Variants in PAK5 observed in about 807,000 individuals in gnomAD.
PAK5 encodes the protein p21 (RAC1) activated kinase 5.
Under a neutral mutation model 65.9 loss-of-function variants are expected in PAK5, and 16 were observed. That is an observed-to-expected ratio of 0.24 (90% CI 0.16 to 0.37). The LOEUF is 0.37. Ranked by LOEUF, PAK5 falls within the 10% of genes least tolerant of loss-of-function variation. The pLI, the probability that PAK5 is intolerant of heterozygous loss-of-function variation, is 1.00. For missense variants in PAK5, 785 were observed against 903.9 expected, an observed-to-expected ratio of 0.87 and a Z score of 1.69; for synonymous variants, 371 against 354.9, an observed-to-expected ratio of 1.05 and a Z score of -0.51.
At chr20:9,649,739 G>A (rs376800401) in intron 2 of PAK5, among the ~76,000 whole-genome samples, 3 of 152,100 alleles carry the variant, frequency 2.0e-5, no homozygotes, top group East Asian at 1.9e-4. Context: ...GGGTGATGGC[G>A]CAGCACCTCA....
intron 1 of PAK5, among the ~76,000 whole-genome samples, chr20:9,745,649 CT>C (rs1442471552): frequency 6.6e-6 from 1 of 151,998 alleles, no homozygotes; most frequent in Non-Finnish European, 1.5e-5. Flanking sequence ...ACATGAATGC[CT>C]TGGTGAAAGG....
intron 2 of PAK5, among the ~76,000 whole-genome samples, chr20:9,710,149 C>T (rs2048060667): frequency 6.6e-6 from 1 of 152,080 alleles, no homozygotes; most frequent in Non-Finnish European, 1.5e-5. Flanking sequence ...TCTAGAAGGA[C>T]ACCCTTCCCA....
At chr20:9,541,249 G>A (rs1313670279) in intron 9 of PAK5, among the ~76,000 whole-genome samples, 3 of 152,190 alleles carry the variant, frequency 2.0e-5, no homozygotes, top group Non-Finnish European at 4.4e-5. Context: ...AAGATAGGAA[G>A]AGAGGTGTGT....
intron 3 of PAK5, among the ~76,000 whole-genome samples, chr20:9,586,928 C>T (rs920685200): frequency 2.0e-5 from 3 of 152,078 alleles, no homozygotes; most frequent in African/African-American, 7.2e-5. Context: ...GTATCTTAGG[C>T]TTATAGCACT....
intron 4 of PAK5, among the ~76,000 whole-genome samples, chr20:9,571,812 T>C (rs144630625): frequency 7.4e-6 from 1 of 135,380 alleles, no homozygotes; most frequent in East Asian, 2.3e-4. Context: ...GGGATTCAAA[T>C]CCAGACAGAG....
chr20:9,619,454 A>C (rs2123178864), intron 3 of PAK5, among the ~76,000 whole-genome samples: 1 of 151,846 alleles, frequency 6.6e-6, no homozygotes, highest in Middle Eastern at 3.4e-3. Context: ...ACTGCCCAAT[A>C]CTCTCATTTC....
At chr20:9,564,108 C>T (rs1405088666) in intron 5 of PAK5, among the ~76,000 whole-genome samples, 1 of 152,160 alleles carries the variant, frequency 6.6e-6, no homozygotes, top group Non-Finnish European at 1.5e-5. Flanking sequence ...AACACTGATA[C>T]CCTGACTTGA....
At position 9,565,965 on chromosome 20, in the gene PAK5, G is replaced by A. The variant is rs2122992699; in HGVS notation, c.1410C>T (p.His470=). 1 of 1,613,796 alleles carries A rather than the reference G, an allele frequency of 6.2e-7. No homozygotes were observed. Among genetic ancestry groups the A allele is most frequent in the African/African-American group, 1.3e-5 (1 of 74,936 alleles). The change falls in exon 5 of 10, where the codon CAC becomes CAT. Residue 470 remains histidine, a synonymous_variant. Coordinates refer to ENST00000353224, the MANE Select transcript of PAK5 (RefSeq NM_177990.4). ...TGIVCIATEK[H]TGKQVAVKKM... The stretch of plus-strand genomic sequence containing the variant: ...TCTTCACTGCAACTTGTTTCCCTGT[G>A]TGTTTCTCGGTGGCGATGCATACGA...
At chr20:9,796,045 T>G (rs1207979115) in intron 1 of PAK5, among the ~76,000 whole-genome samples, 1 of 152,072 alleles carries the variant, frequency 6.6e-6, no homozygotes, top group African/African-American at 2.4e-5. Flanking sequence ...TTTACACTGT[T>G]AACAGGAATG....
chr20:9,755,549 G>C (rs1000701051), intron 1 of PAK5, among the ~76,000 whole-genome samples: 1 of 152,168 alleles, frequency 6.6e-6, no homozygotes, highest in Non-Finnish European at 1.5e-5. Context: ...CACAAACCAT[G>C]ATTCAGCCAT....
rs199607339 is a variant in PAK5 at position 9,580,745 on chromosome 20, C to T, written c.390G>A (p.Gln130=). The change falls in exon 4 of 10, where the codon CAG becomes CAA. Residue 130 remains glutamine, a synonymous_variant. Transcript: ENST00000353224. ...CAGTAGTATCGGATTCGCTGGAATA[C>T]TGGGAGAAGGTGATGAAGCCATTTT... is the stretch of plus-strand genomic sequence containing the variant. ...AEENGFITFS[Q]YSSESDTTAD... is the part of the protein sequence containing the mutation. 1,086 of 1,613,986 alleles carry T rather than the reference C, an allele frequency of 6.7e-4. 8 individuals carry two copies. The highest frequency in any genetic ancestry group is 7.8e-4 in the Non-Finnish European group (924 of 1,179,968).
chr20:9,564,541 A>C (rs1446588962), intron 5 of PAK5, among the ~76,000 whole-genome samples: 1 of 152,250 alleles, frequency 6.6e-6, no homozygotes, highest in African/African-American at 2.4e-5. Flanking sequence ...GAACAGAGAT[A>C]ACATGACAGT....
At chr20:9,658,312 T>C (rs572502233) in intron 2 of PAK5, among the ~76,000 whole-genome samples, 21 of 152,328 alleles carry the variant, frequency 1.4e-4, no homozygotes, top group African/African-American at 4.8e-4. Flanking sequence ...ATTCATATAT[T>C]CTGTGGTCAG....
intron 3 of PAK5, among the ~76,000 whole-genome samples, chr20:9,591,148 C>T (rs1038918025): frequency 1.3e-5 from 2 of 152,070 alleles, no homozygotes; most frequent in Admixed American, 1.3e-4. Context: ...TAATATGACT[C>T]CAAGGTATGG....
chr20:9,617,702 C>T (rs2046686024), intron 3 of PAK5, among the ~76,000 whole-genome samples: 1 of 151,632 alleles, frequency 6.6e-6, no homozygotes, highest in African/African-American at 2.4e-5. Flanking sequence ...ACTACAGGCG[C>T]CCACCACCAC....
At chr20:9,661,526 T>C (rs6056787) in intron 2 of PAK5, among the ~76,000 whole-genome samples, 140,105 of 152,238 alleles carry the variant, frequency 0.92, 64,579 homozygotes, top group East Asian at 1. Flanking sequence ...CCAATGACTA[T>C]GTAAATTCTA....
At chr20:9,732,773 T>A (rs1313285563) in intron 1 of PAK5, among the ~76,000 whole-genome samples, 1 of 152,192 alleles carries the variant, frequency 6.6e-6, no homozygotes, top group Admixed American at 6.5e-5. Context: ...TCTTCAATCA[T>A]ACCCCAACAA....
At chr20:9,691,241 C>T (rs931936265) in intron 2 of PAK5, among the ~76,000 whole-genome samples, 2 of 152,088 alleles carry the variant, frequency 1.3e-5, no homozygotes, top group South Asian at 4.1e-4. Context: ...CCCTGAGTTA[C>T]CAGGATAAAA....
chr20:9,546,702 A>AG (rs1278298462), intron 7 of PAK5, among the ~76,000 whole-genome samples: 1 of 152,228 alleles, frequency 6.6e-6, no homozygotes, highest in Non-Finnish European at 1.5e-5. Context: ...AGGACACAAC[A>AG]GGGAGATGAA....
Sources: allele counts gnomAD v4.1 joint callset (sites outside exome capture counted in the v4.1 genomes callset), GRCh38; gene constraint gnomAD v4.1.1; transcripts MANE v1.5; gene names NCBI Gene and HGNC (gene_info 2026-07-23, HGNC 2026-07-21).